ATF6: variants seen among roughly 807,000 people sequenced by gnomAD.
ATF6 encodes cyclic AMP-dependent transcription factor ATF-6 alpha.
ATF6 carries 53 observed loss-of-function variants against 83.6 expected under a neutral mutation model. That is an observed-to-expected ratio of 0.63 (90% CI 0.51 to 0.80). The LOEUF (loss-of-function observed/expected upper bound fraction) is 0.80. ATF6 is among the 30% of genes least tolerant of loss of function. ATF6 has a pLI of 0.00. For missense variants in ATF6, 744 were observed against 797.9 expected (o/e 0.93, Z 0.81); for synonymous variants, 288 against 285.8 (o/e 1.01, Z -0.08).
Position 161,963,918 on chromosome 1 carries a change from TGAG to T in ATF6, c.*5271_*5273del, listed in dbSNP as rs1689154291. On this transcript the variant is annotated 3_prime_UTR_variant, in exon 16 of 16. Coordinates refer to ENST00000367942, the MANE Select transcript of ATF6 (RefSeq NM_007348.4). ...TGCCAATTGAAGAACGTGTTAAAGATGAGGAGGAGAGATGTACCATTCTCTCCC... is the reference window on the plus strand; with the variant it reads ...TGCCAATTGAAGAACGTGTTAAAGATGAGGAGAGATGTACCATTCTCTCCC... 1 of 152,170 alleles carries T rather than the reference TGAG, an allele frequency of 6.6e-6. No homozygotes were observed. Among genetic ancestry groups the T allele is most frequent in the Non-Finnish European group, 1.5e-5 (1 of 68,034 alleles). The allele number at this position is 152,170 out of a possible 1,614,324, so 9.4% of individuals were successfully genotyped here. A position where few individuals can be genotyped will look rare whatever the true frequency, so the allele number is the denominator to read the frequency against.
chr1:161,893,312 A>G (rs993346258), intron 14 of ATF6, among the ~76,000 whole-genome samples: 8 of 151,736 alleles, frequency 5.3e-5, no homozygotes, highest in African/African-American at 1.5e-4. Flanking sequence ...GATTACAGGC[A>G]TGTGACACCA....
intron 14 of ATF6, among the ~76,000 whole-genome samples, chr1:161,888,315 G>A (rs1304605619): frequency 1.3e-5 from 2 of 152,022 alleles, no homozygotes; most frequent in Non-Finnish European, 2.9e-5. Context: ...AGATGTTTTG[G>A]GTATAAAAGG....
At chr1:161,827,345 A>AC (rs2101794284) in intron 9 of ATF6, among the ~76,000 whole-genome samples, 1 of 152,250 alleles carries the variant, frequency 6.6e-6, no homozygotes, top group African/African-American at 2.4e-5. Flanking sequence ...ATATTTATTG[A>AC]ACAAGTGTCA....
At chr1:161,913,149 T>G (rs942607277) in intron 15 of ATF6, among the ~76,000 whole-genome samples, 2 of 152,202 alleles carry the variant, frequency 1.3e-5, no homozygotes. Context: ...TGACACATTA[T>G]ATTGAAAATC....
At chr1:161,875,461 A>G (rs543346147) in intron 14 of ATF6, among the ~76,000 whole-genome samples, 1 of 151,848 alleles carries the variant, frequency 6.6e-6, no homozygotes, top group African/African-American at 2.4e-5. Context: ...GACACATTTT[A>G]TTATGTATTA....
intron 1 of ATF6, among the ~76,000 whole-genome samples, chr1:161,775,290 T>G (rs943910276): frequency 6.6e-6 from 1 of 152,228 alleles, no homozygotes; most frequent in African/African-American, 2.4e-5. Flanking sequence ...TGTATTTTAT[T>G]GCTATTTTGG....
intron 14 of ATF6, among the ~76,000 whole-genome samples, chr1:161,864,905 A>C (rs1686958536): frequency 6.6e-6 from 1 of 152,232 alleles, no homozygotes; most frequent in Admixed American, 6.5e-5. Flanking sequence ...AAGATTCAGT[A>C]CTATGAAGAA....
At chr1:161,937,275 C>T (rs937329072) in intron 15 of ATF6, among the ~76,000 whole-genome samples, 1 of 144,138 alleles carries the variant, frequency 6.9e-6, no homozygotes, top group African/African-American at 2.6e-5. Flanking sequence ...ACCCAGGCAG[C>T]GGAGGTTGCA....
chr1:161,822,242 A>T (rs374666636), intron 9 of ATF6, among the ~76,000 whole-genome samples: 1 of 152,216 alleles, frequency 6.6e-6, no homozygotes, highest in African/African-American at 2.4e-5. Flanking sequence ...AAGGAAAGTA[A>T]CAAGAATCTG....
In ATF6 at chr1:161,846,595, A is replaced by C; in HGVS notation, c.1319+15A>C. On this transcript the variant is annotated intron_variant, in intron 10 of 15. Transcript: ENST00000367942. ...AACAGCTACAGGTAAGATGGCATGC[A>C]TCTATCTTTTGGCCTAAGTGATTTA... 5 of 1,590,812 alleles carry C rather than the reference A, an allele frequency of 3.1e-6. No homozygotes were observed. The highest frequency in any genetic ancestry group is 4.3e-6 in the Non-Finnish European group (5 of 1,168,366).
Position 161,872,114 on chromosome 1 carries a change from G to T in ATF6, c.1719+8802G>T, listed in dbSNP as rs182502461. Among the ~76,000 whole-genome samples the T allele has an allele frequency of 1.2e-4, 18 of 151,694 alleles. No individual in the cohort carries two copies. In the East Asian group the frequency reaches 3.3e-3, roughly 28 times the overall value. ...TCTTTAATCTTTATAATTGAGATAGGTGCAGTTATCATCATTTTACAGATG... is the reference window on the plus strand; with the variant it reads ...TCTTTAATCTTTATAATTGAGATAGTTGCAGTTATCATCATTTTACAGATG... On this transcript the variant is annotated intron_variant, in intron 14 of 15. Coordinates refer to ENST00000367942, the MANE Select transcript of ATF6 (RefSeq NM_007348.4).
At position 161,877,875 on chromosome 1, in the gene ATF6, T is replaced by A. The variant is rs147513557; in HGVS notation, c.1719+14563T>A. Among the ~76,000 whole-genome samples the A allele has an allele frequency of 3.6e-3, 552 of 152,234 alleles. 1 individual carries two copies. Among genetic ancestry groups the A allele is most frequent in the Admixed American group, 9.4e-3 (144 of 15,286 alleles). On this transcript the variant is annotated intron_variant, in intron 14 of 15. Coordinates refer to ENST00000367942, the MANE Select transcript of ATF6 (RefSeq NM_007348.4). ...AGAATTGGAGAGATATTAGATGTGT[T>A]CAGATTTCTGTCTTGAATTACTAGG...
chr1:161,773,650 G>C (rs1313220046), intron 1 of ATF6, among the ~76,000 whole-genome samples: 1 of 152,142 alleles, frequency 6.6e-6, no homozygotes, highest in African/African-American at 2.4e-5. Context: ...CTTATAAGGA[G>C]TAAATGAATA....
chr1:161,846,998 T>C (rs1686501555), intron 10 of ATF6, among the ~76,000 whole-genome samples: 1 of 152,144 alleles, frequency 6.6e-6, no homozygotes, highest in Non-Finnish European at 1.5e-5. Flanking sequence ...GGTAAAATCA[T>C]TTATACTCAT....
At position 161,853,267 on chromosome 1, in the gene ATF6, G is replaced by C; in HGVS notation, c.1477G>C (p.Glu493Gln). 1 of 1,613,838 alleles carries C rather than the reference G, an allele frequency of 6.2e-7. No individual in the cohort carries two copies. The highest frequency in any genetic ancestry group is 8.5e-7 in the Non-Finnish European group (1 of 1,179,754). The change falls in exon 12 of 16, where the codon GAA becomes CAA. Residue 493 changes from glutamate (E) to glutamine (Q), a missense_variant. By Grantham distance (29) the Glu-to-Gln change is conservative. Coordinates refer to ENST00000367942, the MANE Select transcript of ATF6 (RefSeq NM_007348.4). ...LRGWVHRHEV[E>Q]RTKSRRMTNN... is the part of the protein sequence containing the mutation. ...AGGATGGGTTCATAGACATGAAGTA[G>C]AAAGGACCAAGTCAAGAAGAATGAC...
intron 9 of ATF6, among the ~76,000 whole-genome samples, chr1:161,836,883 A>C (rs535178552): frequency 6.6e-6 from 1 of 152,324 alleles, no homozygotes; most frequent in South Asian, 2.1e-4. Context: ...AAGGAAATTT[A>C]TCTCTTCTGC....
chr1:161,871,167 T>C (rs2101848282), intron 14 of ATF6, among the ~76,000 whole-genome samples: 1 of 151,764 alleles, frequency 6.6e-6, no homozygotes, highest in African/African-American at 2.4e-5. Context: ...AGAGGTGGGG[T>C]TTGCAGAAAC....
intron 7 of ATF6, among the ~76,000 whole-genome samples, chr1:161,808,895 C>T (rs1001748366): frequency 2.5e-4 from 38 of 152,022 alleles, no homozygotes; most frequent in Non-Finnish European, 1.2e-4. Flanking sequence ...TTAATAGCTG[C>T]ATTTTAATGG....
At position 161,958,993 on chromosome 1, in the gene ATF6, T is replaced by G; in HGVS notation, c.*339T>G. On this transcript the variant is annotated 3_prime_UTR_variant, in exon 16 of 16. Coordinates refer to ENST00000367942, the MANE Select transcript of ATF6 (RefSeq NM_007348.4). ...TTGTGTTTAAACAGTCATCTTCTTT[T>G]AAATAATATCCACCTCTCCTTTTTG... is the stretch of plus-strand genomic sequence containing the variant. 5.3e-6 allele frequency: 1 copy of G among 189,912 alleles called. No homozygotes were observed. Among genetic ancestry groups the G allele is most frequent in the South Asian group, 1.7e-4 (1 of 5,970 alleles). The allele number at this position is 189,912 out of a possible 1,614,324, so 11.8% of individuals were successfully genotyped here.
Sources: allele counts gnomAD v4.1 joint callset (sites outside exome capture counted in the v4.1 genomes callset), GRCh38; gene constraint gnomAD v4.1.1; transcripts MANE v1.5; gene names NCBI Gene and HGNC (gene_info 2026-07-23, HGNC 2026-07-21).